Variants in VWA3A observed in about 807,000 individuals in gnomAD.
The protein encoded by VWA3A is von Willebrand factor A domain-containing protein 3A.
Under a neutral mutation model 160.4 loss-of-function variants are expected in VWA3A, and 134 were observed. The ratio of observed to expected loss-of-function variants is 0.84; its 90% confidence interval spans 0.73 to 0.96. The LOEUF (loss-of-function observed/expected upper bound fraction) is 0.96. Among genes scored for constraint, VWA3A ranks in the 40% least tolerant of loss-of-function variants. The pLI is 0.00. For missense variants in VWA3A, 1,310 were observed against 1,447.9 expected, an observed-to-expected ratio of 0.90 and a Z score of 1.55; for synonymous variants, 476 against 543.4, an observed-to-expected ratio of 0.88 and a Z score of 1.72.
At chr16:22,135,860 G>C (rs981064070) in intron 21 of VWA3A, among the ~76,000 whole-genome samples, 1 of 152,092 alleles carries the variant, frequency 6.6e-6, no homozygotes, top group Non-Finnish European at 1.5e-5. Flanking sequence ...TGCAATCTCA[G>C]CTCACTGCAA....
intron 17 of VWA3A, among the ~76,000 whole-genome samples, 172 bp from the exon 18 acceptor site, chr16:22,131,033 G>T (rs939232431): frequency 2.0e-5 from 3 of 152,142 alleles, no homozygotes; most frequent in African/African-American, 7.2e-5. Flanking sequence ...AAGTATGTTG[G>T]GACATATGAC....
chr16:22,131,704 C>A lies in VWA3A; in HGVS notation c.1847C>A (p.Thr616Asn). ...KHQSQGIYLF[T>N]GGIPDQDMPT... Reference sequence around the variant, plus strand: ...CAATCGCAGGGAATCTACCTCTTCACTGGGGGCATCCCCGACCAGGACATG... The same window carrying A: ...CAATCGCAGGGAATCTACCTCTTCAATGGGGGCATCCCCGACCAGGACATG... The change falls in exon 19 of 34, where the codon ACT becomes AAT. Residue 616 changes from threonine to asparagine, a missense_variant. Thr to Asn is a moderately conservative substitution (Grantham distance 65, BLOSUM62 0). Coordinates refer to ENST00000389398, the MANE Select transcript of VWA3A (RefSeq NM_173615.5). 1 of 1,613,964 alleles carries A rather than the reference C, an allele frequency of 6.2e-7. No homozygotes were observed.
chr16:22,119,847 G>A (rs1476041978), intron 12 of VWA3A, among the ~76,000 whole-genome samples: 5 of 151,842 alleles, frequency 3.3e-5, no homozygotes, highest in Non-Finnish European at 5.9e-5. Flanking sequence ...GTGAAACCTC[G>A]TCTCTACTAA....
chr16:22,112,790 C>G (rs2141877305), intron 8 of VWA3A, among the ~76,000 whole-genome samples: 1 of 152,348 alleles, frequency 6.6e-6, no homozygotes, highest in African/African-American at 2.4e-5. Context: ...CTCACCAGCA[C>G]TAGCTGTAAA....
chr16:22,154,723 G>C (rs1190617950), intron 31 of VWA3A, among the ~76,000 whole-genome samples: 1 of 150,084 alleles, frequency 6.7e-6, no homozygotes. Flanking sequence ...GGGACGCCGA[G>C]GCGGGTGGAT....
chr16:22,124,205 A>AT (rs2045800572), intron 16 of VWA3A, among the ~76,000 whole-genome samples: 1 of 150,230 alleles, frequency 6.7e-6, no homozygotes, highest in South Asian at 2.1e-4. Flanking sequence ...AAAAAAAAAA[A>AT]AAAAAATCAC....
At chr16:22,100,542 A>T (rs1162384393) in intron 5 of VWA3A, 49 bp downstream of exon 5, 1 of 1,527,252 alleles carries the variant, frequency 6.5e-7, no homozygotes, top group Non-Finnish European at 8.9e-7. Flanking sequence ...CTCAAGAATT[A>T]TGTCATTTCA....
intron 6 of VWA3A, among the ~76,000 whole-genome samples, chr16:22,105,447 A>G (rs1346939115): frequency 1.3e-5 from 2 of 152,230 alleles, no homozygotes; most frequent in Admixed American, 6.5e-5. Flanking sequence ...CTAAGGCCCT[A>G]GAAAGTGGCC....
At chr16:22,104,466 G>A (rs1381112400) in intron 6 of VWA3A, among the ~76,000 whole-genome samples, 1 of 152,026 alleles carries the variant, frequency 6.6e-6, no homozygotes, top group Non-Finnish European at 1.5e-5. Flanking sequence ...TCTAGCCTGG[G>A]AGACACAGTG....
chr16:22,131,750 G>A (rs767027541), intron 19 of VWA3A, 21 bp downstream of exon 19: 2 of 1,607,288 alleles, frequency 1.2e-6, no homozygotes, highest in Non-Finnish European at 8.5e-7. Context: ...CACGTCCTGG[G>A]TGTCCATTAT....
At position 22,109,677 on chromosome 16, in the gene VWA3A, A is replaced by G; in HGVS notation, c.582+97A>G. The G allele has an allele frequency of 7.1e-6, 7 of 980,562 alleles. No individual in the cohort carries two copies. In the Middle Eastern group the frequency reaches 6.4e-4, roughly 90 times the overall value. 60.7% of individuals were successfully genotyped at this position (980,562 alleles called of 1,614,324 possible). On this transcript the variant is annotated intron_variant, in intron 7 of 33. Coordinates refer to ENST00000389398, the MANE Select transcript of VWA3A (RefSeq NM_173615.5). ...GACGAGCTTGTTTATAGCAAATGCA[A>G]GATAGGGTGTCTTATAAAGAACAGT...
intron 27 of VWA3A, 123 bp from the exon 28 acceptor site, chr16:22,148,039 C>A: frequency 7.9e-7 from 1 of 1,258,112 alleles, no homozygotes; most frequent in Non-Finnish European, 1.1e-6. Flanking sequence ...GACATCCAAT[C>A]AATGATCAGG....
chr16:22,126,983 CAAAATTATATATAGTTTT>C (rs1338342943), intron 17 of VWA3A, among the ~76,000 whole-genome samples: 42 of 149,030 alleles, frequency 2.8e-4, no homozygotes, highest in African/African-American at 1.0e-3. Context: ...GAACTTACTT[CAAAATTATATATAGTTTT>C]AAAATTATAT....
At chr16:22,142,407 G>A (rs1453972306) in intron 24 of VWA3A, among the ~76,000 whole-genome samples, 1 of 152,112 alleles carries the variant, frequency 6.6e-6, no homozygotes, top group East Asian at 1.9e-4. Flanking sequence ...GAGATCACAT[G>A]GAGAGAGAGG....
intron 5 of VWA3A, among the ~76,000 whole-genome samples, chr16:22,101,111 G>T (rs1055377420): frequency 1.3e-5 from 2 of 152,022 alleles, no homozygotes; most frequent in Admixed American, 1.3e-4. Context: ...ATAGTCTAGG[G>T]CCAGGCATGG....
At chr16:22,127,555 C>G (rs541067364) in intron 17 of VWA3A, among the ~76,000 whole-genome samples, 2 of 152,080 alleles carry the variant, frequency 1.3e-5, no homozygotes, top group Non-Finnish European at 2.9e-5. Flanking sequence ...ATTTTCTAAA[C>G]CTATTAAGTC....
chr16:22,109,694 A>G, intron 7 of VWA3A, 114 bp downstream of exon 7: 5 of 864,660 alleles, frequency 5.8e-6, no homozygotes, highest in Non-Finnish European at 7.3e-6. Flanking sequence ...GTGTCTTATA[A>G]AGAACAGTTC....
intron 8 of VWA3A, 92 bp downstream of exon 8, chr16:22,111,086 C>T: frequency 9.0e-7 from 1 of 1,116,292 alleles, no homozygotes; most frequent in Non-Finnish European, 1.3e-6. Flanking sequence ...ACTGCAAACC[C>T]CAGGACCCTA....
chr16:22,141,262 C>A (rs749211814), intron 23 of VWA3A: 7 of 526,912 alleles, frequency 1.3e-5, no homozygotes, highest in South Asian at 1.1e-4. Context: ...AGAATCATGC[C>A]CTGCCTCTTA....
Sources: gnomAD v4.1 joint callset for allele counts (sites outside exome capture counted in the v4.1 genomes callset) on GRCh38, gnomAD v4.1.1 for gene constraint, MANE v1.5 for transcripts, NCBI Gene and HGNC (gene_info 2026-07-23, HGNC 2026-07-21) for gene names.